Variants in RGS7BP observed in about 807,000 individuals in gnomAD.
RGS7BP encodes the protein regulator of G protein signaling 7 binding protein.
Under a neutral mutation model 31.3 loss-of-function variants are expected in RGS7BP, and 9 were observed. That is an observed-to-expected ratio of 0.29 (90% CI 0.17 to 0.50). The LOEUF (loss-of-function observed/expected upper bound fraction) is 0.50, where lower values mean the gene tolerates loss of function less well. Ranked by LOEUF, RGS7BP falls within the 20% of genes least tolerant of loss-of-function variation. The pLI, the probability that RGS7BP is intolerant of heterozygous loss-of-function variation, is 0.98. For synonymous variants in RGS7BP, 115 were observed against 120.1 expected (o/e 0.96, Z 0.28); for missense variants, 274 against 322.0 (o/e 0.85, Z 1.14).
chr5:64,576,394 G>T (rs1353024208), intron 3 of RGS7BP, among the ~76,000 whole-genome samples: 1 of 152,170 alleles, frequency 6.6e-6, no homozygotes, highest in Non-Finnish European at 1.5e-5. Context: ...TCAAAGGATT[G>T]TACCCTCCAG....
intron 5 of RGS7BP, among the ~76,000 whole-genome samples, chr5:64,608,839 A>G (rs1167335458): frequency 2.6e-5 from 4 of 152,028 alleles, no homozygotes; most frequent in Non-Finnish European, 4.4e-5. Flanking sequence ...AGCAGTTTCA[A>G]TTCAATTTTA....
rs913456800 is a variant in RGS7BP at position 64,598,303 on chromosome 5, T to A, written c.612-62T>A. On this transcript the variant is annotated intron_variant, in intron 4 of 5. Coordinates refer to ENST00000334025, the MANE Select transcript of RGS7BP (RefSeq NM_001029875.3). ...CTTTCAGTTGTCTCATATAACAGAT[T>A]GTTTGAGATTTCATTTTGAAAATTT... The A allele has an allele frequency of 1.6e-5, 15 of 932,806 alleles. No homozygotes were observed. In the Admixed American group the frequency reaches 2.4e-4, roughly 15 times the overall value. The allele number at this position is 932,806 out of a possible 1,614,324, so 57.8% of individuals were successfully genotyped here. A position where few individuals can be genotyped will look rare whatever the true frequency, so the allele number is the denominator to read the frequency against.
chr5:64,562,254 T>C (rs1287454183), intron 2 of RGS7BP, among the ~76,000 whole-genome samples: 1 of 152,116 alleles, frequency 6.6e-6, no homozygotes, highest in Non-Finnish European at 1.5e-5. Context: ...TAAATAATAT[T>C]TGAATCAGTA....
At chr5:64,531,260 G>A (rs772481312) in intron 2 of RGS7BP, among the ~76,000 whole-genome samples, 18 of 152,324 alleles carry the variant, frequency 1.2e-4, no homozygotes, top group African/African-American at 2.2e-4. Context: ...AAAACTATAC[G>A]TCCTTCTATT....
rs558932776 is a variant in RGS7BP at position 64,506,819 on chromosome 5, T to TC, written c.165+30_165+31insC. 3.9e-4 allele frequency: 605 copies of TC among 1,543,006 alleles called. 4 individuals carry two copies. In the South Asian group the frequency reaches 6.9e-3, roughly 18 times the overall value. On this transcript the variant is annotated intron_variant, in intron 1 of 5. Coordinates refer to ENST00000334025, the MANE Select transcript of RGS7BP (RefSeq NM_001029875.3). The surrounding 1 kb of genome is among the most constrained non-coding windows in gnomAD (Gnocchi z 4.6). The stretch of plus-strand genomic sequence containing the variant: ...GTGAAAACTGCGCCTCTTTTTTTTT[T>TC]TTTTTAATTGAGAGGGGGTGGGGGG...
At chr5:64,527,642 A>ATG (rs1561323382) in intron 2 of RGS7BP, among the ~76,000 whole-genome samples, 1 of 136,208 alleles carries the variant, frequency 7.3e-6, no homozygotes. Flanking sequence ...AAAAAAAAAA[A>ATG]GAGGAATGTT....
intron 2 of RGS7BP, among the ~76,000 whole-genome samples, chr5:64,519,599 T>C (rs1580390263): frequency 6.6e-6 from 1 of 152,202 alleles, no homozygotes; most frequent in African/African-American, 2.4e-5. Context: ...AGTCATAGCC[T>C]CCTGCCATAG....
chr5:64,568,190 T>C (rs994614274), intron 2 of RGS7BP, among the ~76,000 whole-genome samples: 25 of 152,166 alleles, frequency 1.6e-4, no homozygotes, highest in Non-Finnish European at 2.9e-4. Context: ...GTTCTAGCCA[T>C]GTAATCCATG....
intron 3 of RGS7BP, among the ~76,000 whole-genome samples, chr5:64,589,326 G>T (rs1353871840): frequency 1.3e-5 from 2 of 151,804 alleles, no homozygotes; most frequent in Non-Finnish European, 2.9e-5. Context: ...GTTACAGAGG[G>T]GAAAAGGATG....
At chr5:64,553,987 T>TC (rs1741860023) in intron 2 of RGS7BP, among the ~76,000 whole-genome samples, 2 of 152,200 alleles carry the variant, frequency 1.3e-5, no homozygotes, top group South Asian at 4.1e-4. Context: ...AGTTAGAAGA[T>TC]CATATGGGAG....
intron 2 of RGS7BP, among the ~76,000 whole-genome samples, chr5:64,571,629 A>T (rs747793686): frequency 6.6e-6 from 1 of 152,124 alleles, no homozygotes; most frequent in East Asian, 1.9e-4. Flanking sequence ...AGCCTTTGTC[A>T]TATTACTTTT....
chr5:64,606,368 T>C (rs936165871), intron 5 of RGS7BP, among the ~76,000 whole-genome samples: 2 of 151,996 alleles, frequency 1.3e-5, no homozygotes, highest in Non-Finnish European at 2.9e-5. Context: ...AAAGACCACT[T>C]CAGTCTCTCC....
At chr5:64,550,841 T>C (rs1741778156) in intron 2 of RGS7BP, among the ~76,000 whole-genome samples, 1 of 151,402 alleles carries the variant, frequency 6.6e-6, no homozygotes, top group African/African-American at 2.4e-5. Context: ...TTTGGTTTTT[T>C]GTCCTTGCGA....
intron 2 of RGS7BP, among the ~76,000 whole-genome samples, chr5:64,556,737 G>A (rs1369118933): frequency 1.3e-5 from 2 of 151,748 alleles, no homozygotes; most frequent in Admixed American, 1.3e-4. Flanking sequence ...TAGACTGGGT[G>A]ATTATTTTTC....
At chr5:64,557,509 C>A (rs1741956050) in intron 2 of RGS7BP, among the ~76,000 whole-genome samples, 1 of 152,144 alleles carries the variant, frequency 6.6e-6, no homozygotes, top group African/African-American at 2.4e-5. Flanking sequence ...TTTGCTGAGA[C>A]TTCAGGTCCC....
At chr5:64,525,523 A>G (rs569847604) in intron 2 of RGS7BP, among the ~76,000 whole-genome samples, 1 of 152,330 alleles carries the variant, frequency 6.6e-6, no homozygotes, top group South Asian at 2.1e-4. Flanking sequence ...TATTCTAGTG[A>G]TTTGCAAGAT....
chr5:64,509,312 G>A (rs1288879581), intron 2 of RGS7BP, among the ~76,000 whole-genome samples: 1 of 152,172 alleles, frequency 6.6e-6, no homozygotes, highest in Non-Finnish European at 1.5e-5. Context: ...TCAAGGCTAA[G>A]GAGTAGCAAC....
intron 5 of RGS7BP, among the ~76,000 whole-genome samples, chr5:64,602,395 C>T (rs1212155134): frequency 6.6e-6 from 1 of 152,198 alleles, no homozygotes; most frequent in African/African-American, 2.4e-5. Flanking sequence ...AATCTAATTT[C>T]TTAATGCATT....
At chr5:64,596,506 A>C (rs16892941) in intron 4 of RGS7BP, among the ~76,000 whole-genome samples, 22,934 of 152,112 alleles carry the variant, frequency 0.15, 2,942 homozygotes, top group African/African-American at 0.35. Flanking sequence ...TAGAGGAGAC[A>C]GTGCCTCAAT....
Sources: gnomAD v4.1 joint callset for allele counts (sites outside exome capture counted in the v4.1 genomes callset) on GRCh38, gnomAD v4.1.1 for gene constraint, Gnocchi (gnomAD v3.1) non-coding constraint, MANE v1.5 for transcripts, NCBI Gene and HGNC (gene_info 2026-07-23, HGNC 2026-07-21) for gene names.